NSL1: variants seen among roughly 807,000 people sequenced by gnomAD.
NSL1 encodes the protein NSL1 component of MIS12 kinetochore complex.
Under a neutral mutation model 25.4 loss-of-function variants are expected in NSL1, and 11 were observed. The observed-to-expected ratio is 0.43, with a 90% CI of 0.27 to 0.72. The LOEUF is 0.72. Ranked by LOEUF, NSL1 falls within the 30% of genes least tolerant of loss-of-function variation. The probability of loss-of-function intolerance (pLI) is 0.19; values close to 1 mark genes in which losing one functional copy is unlikely to be tolerated. For missense variants in NSL1, 330 were observed against 342.7 expected, an observed-to-expected ratio of 0.96 and a Z score of 0.29; for synonymous variants, 118 against 120.6, an observed-to-expected ratio of 0.98 and a Z score of 0.14.
intron 1 of NSL1, 62 bp from the exon 2 acceptor site, chr1:212,787,699 T>C: frequency 3.6e-6 from 4 of 1,116,146 alleles, no homozygotes; most frequent in Non-Finnish European, 5.2e-6. Context: ...ATTCAAACGT[T>C]TTAGCAAAAT....
At chr1:212,758,384 A>G (rs541698498) in intron 4 of NSL1, among the ~76,000 whole-genome samples, 1 of 152,356 alleles carries the variant, frequency 6.6e-6, no homozygotes, top group Admixed American at 6.5e-5. Context: ...TGCAGATGAC[A>G]TGATCTTTTA....
At chr1:212,777,958 TCTAAGAGA>T (rs1401409475) in intron 4 of NSL1, among the ~76,000 whole-genome samples, 1 of 152,186 alleles carries the variant, frequency 6.6e-6, no homozygotes, top group Non-Finnish European at 1.5e-5. Flanking sequence ...AAGAAGACCT[TCTAAGAGA>T]GCATTTGTAG....
chr1:212,751,170 T>C (rs983428293), intron 4 of NSL1, among the ~76,000 whole-genome samples: 7 of 152,200 alleles, frequency 4.6e-5, no homozygotes, highest in Admixed American at 2.0e-4. Flanking sequence ...GATTATTCAT[T>C]TGAGAAACTT....
intron 1 of NSL1, among the ~76,000 whole-genome samples, chr1:212,789,095 C>A (rs1661067436): frequency 6.6e-6 from 1 of 152,068 alleles, no homozygotes; most frequent in African/African-American, 2.4e-5. Flanking sequence ...ATATTTTGTA[C>A]CCTTTGTATA....
rs1177005143 is a variant in NSL1 at position 212,731,390 on chromosome 1, TA to T, written c.*7017del. The T allele has an allele frequency of 1.0e-6, 1 of 984,024 alleles. No homozygotes were observed. The highest frequency in any genetic ancestry group is 1.1e-4 in the East Asian group (1 of 8,826). 61.0% of individuals were successfully genotyped at this position (984,024 alleles called of 1,614,324 possible). A position where few individuals can be genotyped will look rare whatever the true frequency, so the allele number is the denominator to read the frequency against. On this transcript the variant is annotated 3_prime_UTR_variant, in exon 6 of 6. Transcript: ENST00000366977. ...GGGCAATATGGCGAGACCCCATCTC[TA>T]AAACAAATAAACTAGCCGGGCATGG...
Position 212,733,661 on chromosome 1 carries a change from G to A in NSL1, c.*4747C>T, listed in dbSNP as rs1050095511. Among the ~76,000 whole-genome samples, 1 of 152,176 alleles carries A rather than the reference G, an allele frequency of 6.6e-6. No homozygotes were observed. The highest frequency in any genetic ancestry group is 2.4e-5 in the African/African-American group (1 of 41,438). On this transcript the variant is annotated 3_prime_UTR_variant, in exon 6 of 6. Transcript: ENST00000366977. Reference sequence around the variant, plus strand: ...TTCATCTACACTGTGGCATTTACCAGTACCTCATTTCTTCTTATTGCCAAA... The same window carrying A: ...TTCATCTACACTGTGGCATTTACCAATACCTCATTTCTTCTTATTGCCAAA...
At chr1:212,745,736 G>C (rs1202229795) in intron 4 of NSL1, among the ~76,000 whole-genome samples, 1 of 152,158 alleles carries the variant, frequency 6.6e-6, no homozygotes, top group East Asian at 1.9e-4. Flanking sequence ...GCTGAAGTGG[G>C]CAGATCACTT....
chr1:212,783,445 T>C (rs1660809404), intron 3 of NSL1, among the ~76,000 whole-genome samples: 3 of 152,178 alleles, frequency 2.0e-5, no homozygotes, highest in South Asian at 4.1e-4. Flanking sequence ...AAAATTCTGC[T>C]CATGAATACT....
Position 212,736,098 on chromosome 1 carries a change from T to G in NSL1, c.*2310A>C. On this transcript the variant is annotated 3_prime_UTR_variant, in exon 6 of 6. Coordinates refer to ENST00000366977, the MANE Select transcript of NSL1 (RefSeq NM_015471.4). The stretch of plus-strand genomic sequence containing the variant: ...TGTCACCCAGGCTGGAGTACAGTGG[T>G]GCCATCCTGGCTCACTGCAACTTCT... 3.2e-6 allele frequency: 3 copies of G among 951,332 alleles called. No homozygotes were observed. Among genetic ancestry groups the G allele is most frequent in the Non-Finnish European group, 3.8e-6 (3 of 798,944 alleles). 58.9% of individuals were successfully genotyped at this position (951,332 alleles called of 1,614,324 possible).
At chr1:212,777,315 G>A (rs1449301797) in intron 4 of NSL1, among the ~76,000 whole-genome samples, 3 of 151,996 alleles carry the variant, frequency 2.0e-5, no homozygotes. Flanking sequence ...AGATTGAGGT[G>A]GCAATGAGCC....
intron 4 of NSL1, among the ~76,000 whole-genome samples, chr1:212,748,029 G>GTA (rs1465341443): frequency 1.3e-5 from 2 of 152,208 alleles, no homozygotes; most frequent in Non-Finnish European, 2.9e-5. Context: ...GCCTCCCAAA[G>GTA]TGCTGGGATT....
intron 4 of NSL1, among the ~76,000 whole-genome samples, chr1:212,774,497 A>T (rs888149563): frequency 1.3e-4 from 20 of 152,208 alleles, no homozygotes; most frequent in Non-Finnish European, 2.5e-4. Flanking sequence ...CAACAATAAA[A>T]AGACAAATAC....
At chr1:212,777,502 G>A (rs1660428653) in intron 4 of NSL1, among the ~76,000 whole-genome samples, 1 of 152,188 alleles carries the variant, frequency 6.6e-6, no homozygotes, top group Non-Finnish European at 1.5e-5. Flanking sequence ...AATGAATAGA[G>A]AGCTCTGCGT....
chr1:212,730,237 CAAAAAA>C lies in NSL1; in HGVS notation c.*8165_*8170del, dbSNP rs532313864. The stretch of plus-strand genomic sequence containing the variant: ...TACACTCCAGCCTGGGTGACAGTCT[CAAAAAA>C]AAAAAAAAAAAAAAAAAAAAAAGAA... On this transcript the variant is annotated 3_prime_UTR_variant, in exon 6 of 6. Transcript: ENST00000366977. The C allele has an allele frequency of 4.9e-4, 295 of 603,532 alleles. No homozygotes were observed. The highest frequency in any genetic ancestry group is 1.7e-3 in the African/African-American group (37 of 21,464). The allele number at this position is 603,532 out of a possible 1,614,324, so 37.4% of individuals were successfully genotyped here.
intron 4 of NSL1, chr1:212,781,949 C>A (rs1372802649): frequency 2.5e-6 from 1 of 402,216 alleles, no homozygotes; most frequent in African/African-American, 2.1e-5. Context: ...TTCTTAAATT[C>A]AATATATTTT....
At chr1:212,771,106 G>C (rs1175331957) in intron 4 of NSL1, among the ~76,000 whole-genome samples, 1 of 152,194 alleles carries the variant, frequency 6.6e-6, no homozygotes, top group African/African-American at 2.4e-5. Context: ...CTGAGATTGG[G>C]AGTACGAGAC....
At chr1:212,771,495 A>G (rs1054031016) in intron 4 of NSL1, among the ~76,000 whole-genome samples, 5 of 151,970 alleles carry the variant, frequency 3.3e-5, no homozygotes, top group African/African-American at 1.2e-4. Context: ...TGGAAGTCCT[A>G]GCCAGAGCAA....
At chr1:212,749,335 T>C (rs552986715) in intron 4 of NSL1, among the ~76,000 whole-genome samples, 26 of 137,920 alleles carry the variant, frequency 1.9e-4, no homozygotes, top group Admixed American at 8.2e-4. Context: ...TTGCGTTTTA[T>C]TGTGTTTTTT....
intron 4 of NSL1, among the ~76,000 whole-genome samples, chr1:212,779,479 C>G (rs1381631550): frequency 3.2e-5 from 4 of 126,288 alleles, no homozygotes; most frequent in African/African-American, 1.3e-4. Flanking sequence ...CCCCTCTGCA[C>G]GGCCAGCCGC....
Sources: gnomAD v4.1 joint callset for allele counts (sites outside exome capture counted in the v4.1 genomes callset) on GRCh38, gnomAD v4.1.1 for gene constraint, MANE v1.5 for transcripts, NCBI Gene and HGNC (gene_info 2026-07-23, HGNC 2026-07-21) for gene names.